FSTL5: variants seen among roughly 807,000 people sequenced by gnomAD.
The protein encoded by FSTL5 is follistatin like 5, also known as follistatin-related protein 5.
FSTL5 carries 62 observed loss-of-function variants against 89.1 expected under a neutral mutation model. The observed-to-expected ratio is 0.70, with a 90% CI of 0.57 to 0.86. FSTL5 has a LOEUF of 0.86. FSTL5 is among the 40% of genes least tolerant of loss of function. The probability of loss-of-function intolerance (pLI) is 0.00; values close to 1 mark genes in which losing one functional copy is unlikely to be tolerated. For missense variants in FSTL5, 1,057 were observed against 1,001.6 expected (o/e 1.06, Z -0.75); for synonymous variants, 383 against 346.2 (o/e 1.11, Z -1.18).
At chr4:162,116,979 T>C (rs1453087265) in intron 1 of FSTL5, among the ~76,000 whole-genome samples, 1 of 152,206 alleles carries the variant, frequency 6.6e-6, no homozygotes, top group Non-Finnish European at 1.5e-5. Context: ...ACTGTGGCTA[T>C]TGCTTTTAGA....
intron 2 of FSTL5, among the ~76,000 whole-genome samples, chr4:162,050,582 T>C (rs1578987315): frequency 6.7e-6 from 1 of 150,352 alleles, no homozygotes; most frequent in Non-Finnish European, 1.5e-5. Context: ...TGAAAATCAC[T>C]CTTGGAAAAA....
intron 6 of FSTL5, among the ~76,000 whole-genome samples, chr4:161,675,615 G>A (rs980117915): frequency 6.6e-6 from 1 of 151,516 alleles, no homozygotes; most frequent in African/African-American, 2.4e-5. Context: ...ATTTCCTCAG[G>A]AGTTCAAATT....
chr4:161,677,351 A>T (rs907770904), intron 6 of FSTL5, among the ~76,000 whole-genome samples: 4 of 152,052 alleles, frequency 2.6e-5, no homozygotes, highest in African/African-American at 9.7e-5. Context: ...AAAACAAAAC[A>T]GGAATAAATA....
chr4:161,982,470 A>C (rs779934327), intron 3 of FSTL5, among the ~76,000 whole-genome samples: 1 of 152,226 alleles, frequency 6.6e-6, no homozygotes, highest in Admixed American at 6.5e-5. Flanking sequence ...AGGGAAACAA[A>C]GTTATGCTTA....
chr4:161,622,418 C>T (rs1402431343), intron 7 of FSTL5, among the ~76,000 whole-genome samples: 1 of 152,018 alleles, frequency 6.6e-6, no homozygotes, highest in Non-Finnish European at 1.5e-5. Flanking sequence ...ACATAACAAA[C>T]ACATTACTAC....
At chr4:161,877,804 C>A (rs1325627736) in intron 4 of FSTL5, among the ~76,000 whole-genome samples, 2 of 151,832 alleles carry the variant, frequency 1.3e-5, no homozygotes, top group South Asian at 2.1e-4. Context: ...CCAGCCTGGG[C>A]GACAGAGCGA....
At position 161,467,129 on chromosome 4, in the gene FSTL5, T is replaced by C. The variant is rs1733773331; in HGVS notation, c.1609-7810A>G. Among the ~76,000 whole-genome samples the C allele has an allele frequency of 2.0e-5, 3 of 152,094 alleles. No homozygotes were observed. The South Asian group carries it at 6.2e-4, about 32-fold the overall frequency. On this transcript the variant is annotated intron_variant, in intron 13 of 15. Coordinates refer to ENST00000306100, the MANE Select transcript of FSTL5 (RefSeq NM_020116.5). ...TCAATAACTGTAACATTATTTTCTT[T>C]ATTGTTATTTTTTTCAAGAAGGCAT...
chr4:161,917,711 A>G (rs996721381), intron 4 of FSTL5, among the ~76,000 whole-genome samples: 5 of 152,316 alleles, frequency 3.3e-5, no homozygotes, highest in African/African-American at 7.2e-5. Context: ...TAAAGTACCA[A>G]TAAACTTTTA....
chr4:162,015,226 CACT>C lies in FSTL5; in HGVS notation c.160+18396_160+18398del, dbSNP rs1352161314. Among the ~76,000 whole-genome samples, 8 of 152,224 alleles carry C rather than the reference CACT, an allele frequency of 5.3e-5. No individual in the cohort carries two copies. In the East Asian group the frequency reaches 1.5e-3, roughly 29 times the overall value. On this transcript the variant is annotated intron_variant, in intron 3 of 15. Coordinates refer to ENST00000306100, the MANE Select transcript of FSTL5 (RefSeq NM_020116.5). The stretch of plus-strand genomic sequence containing the variant: ...TCCACTGAAGGAAGGGAGGCTGGGT[CACT>C]AAAGAGTCATATGCATTGCAACATT...
chr4:161,728,425 T>C (rs181022532), intron 6 of FSTL5, among the ~76,000 whole-genome samples: 451 of 152,246 alleles, frequency 3.0e-3, no homozygotes, highest in Non-Finnish European at 3.3e-3. Context: ...TTAAGGGCTG[T>C]GCAAAGATTT....
intron 4 of FSTL5, among the ~76,000 whole-genome samples, chr4:161,912,762 G>C (rs1345127754): frequency 6.6e-6 from 1 of 152,138 alleles, no homozygotes; most frequent in South Asian, 2.1e-4. Flanking sequence ...CAGTTTGGAG[G>C]GTTCAGAAGA....
intron 15 of FSTL5, among the ~76,000 whole-genome samples, chr4:161,401,557 G>C (rs185743776): frequency 1.1e-4 from 17 of 152,122 alleles, no homozygotes; most frequent in African/African-American, 7.2e-5. Flanking sequence ...AGGGAGTCTT[G>C]TCTGTCACCC....
At chr4:161,464,799 T>A (rs1733697080) in intron 13 of FSTL5, among the ~76,000 whole-genome samples, 1 of 152,158 alleles carries the variant, frequency 6.6e-6, no homozygotes, top group Non-Finnish European at 1.5e-5. Flanking sequence ...TATTATTTAT[T>A]TTCTTAAAAA....
Position 162,153,797 on chromosome 4 carries a change from G to GTATA in FSTL5, c.-17+9814_-17+9817dup, listed in dbSNP as rs201313114. On this transcript the variant is annotated intron_variant, in intron 1 of 15. Transcript: ENST00000306100. ...TATATGTATACATATATATGTATATGTATATATATATATTTATATTTATTT... is the reference window on the plus strand; with the variant it reads ...TATATGTATACATATATATGTATATGTATATATATATATATATTTATATTTATTT... 9.8e-4 allele frequency among the ~76,000 whole-genome samples: 126 copies of GTATA among 128,708 alleles called. 1 individual carries two copies. The highest frequency in any genetic ancestry group is 2.8e-3 in the African/African-American group (94 of 33,878). The allele number at this position is 128,708 out of a possible 152,430, so 84.4% of individuals were successfully genotyped here. A position where few individuals can be genotyped will look rare whatever the true frequency, so the allele number is the denominator to read the frequency against.
At chr4:161,994,506 T>C (rs1181268771) in intron 3 of FSTL5, among the ~76,000 whole-genome samples, 97 of 152,306 alleles carry the variant, frequency 6.4e-4, no homozygotes, top group Non-Finnish European at 8.7e-4. Context: ...CAACAATGTA[T>C]AAGTGTTCCC....
At chr4:161,519,354 G>A (rs1320761475) in intron 10 of FSTL5, among the ~76,000 whole-genome samples, 5 of 151,912 alleles carry the variant, frequency 3.3e-5, no homozygotes, top group African/African-American at 1.2e-4. Flanking sequence ...GTGAAACCCT[G>A]TCTCTACTAA....
chr4:161,527,489 T>C (rs1209522145), intron 10 of FSTL5, among the ~76,000 whole-genome samples: 340 of 134,234 alleles, frequency 2.5e-3, no homozygotes, highest in South Asian at 3.4e-3. Context: ...GTGAAGGACA[T>C]GAACAGACAC....
intron 3 of FSTL5, among the ~76,000 whole-genome samples, chr4:161,966,677 C>T (rs1735336167): frequency 6.6e-6 from 1 of 152,068 alleles, no homozygotes; most frequent in African/African-American, 2.4e-5. Context: ...GGAGAGAGGT[C>T]TGAAACAGAC....
At chr4:161,425,740 C>T (rs183531085) in intron 15 of FSTL5, among the ~76,000 whole-genome samples, 4 of 152,144 alleles carry the variant, frequency 2.6e-5, no homozygotes, top group African/African-American at 7.2e-5. Context: ...TGGTTCAATC[C>T]CCTCACTTTA....
Sources: allele counts gnomAD v4.1 joint callset (sites outside exome capture counted in the v4.1 genomes callset), GRCh38; gene constraint gnomAD v4.1.1; transcripts MANE v1.5; gene names NCBI Gene and HGNC (gene_info 2026-07-23, HGNC 2026-07-21).